The following SLC24A4 variants were observed in gnomAD, a reference collection of about 807,000 sequenced individuals.
SLC24A4 encodes solute carrier family 24 member 4.
A neutral mutation model predicts 79.0 loss-of-function variants in SLC24A4; 53 were observed. The observed-to-expected ratio is 0.67, with a 90% CI of 0.54 to 0.84. SLC24A4 has a LOEUF of 0.84. Among genes scored for constraint, SLC24A4 ranks in the 40% least tolerant of loss-of-function variants. The pLI, the probability that SLC24A4 is intolerant of heterozygous loss-of-function variation, is 0.00. For missense variants in SLC24A4, 731 were observed against 822.0 expected (o/e 0.89, Z 1.35); for synonymous variants, 323 against 323.8 (o/e 1.00, Z 0.03).
chr14:92,431,448 A>G (rs943221491), intron 2 of SLC24A4, among the ~76,000 whole-genome samples: 6 of 152,176 alleles, frequency 3.9e-5, no homozygotes, highest in Non-Finnish European at 8.8e-5. Flanking sequence ...TGCAGTTCCA[A>G]GTTGTTGCTG....
chr14:92,430,675 G>A (rs1891816881), intron 2 of SLC24A4, among the ~76,000 whole-genome samples: 2 of 152,184 alleles, frequency 1.3e-5, no homozygotes, highest in Non-Finnish European at 2.9e-5. Flanking sequence ...AAGGTCCAAA[G>A]GGGAGTGGGG....
intron 12 of SLC24A4, among the ~76,000 whole-genome samples, chr14:92,461,495 C>G (rs889772762): frequency 1.3e-5 from 2 of 152,210 alleles, no homozygotes; most frequent in East Asian, 1.9e-4. Context: ...TTCTGTGTCC[C>G]TCTTCCTGAC....
At position 92,495,536 on chromosome 14, in the gene SLC24A4, C is replaced by G. The variant is rs1895894382; in HGVS notation, c.*1908C>G. On this transcript the variant is annotated 3_prime_UTR_variant, in exon 17 of 17. Coordinates refer to ENST00000532405, the MANE Select transcript of SLC24A4 (RefSeq NM_153646.4). ...AGGGATTCCAGAGCCCTCGGGACCA[C>G]TCTGTCACCTTAATAGCCAAGTTCT... 1 of 152,194 alleles carries G rather than the reference C, an allele frequency of 6.6e-6. No homozygotes were observed. The highest frequency in any genetic ancestry group is 1.5e-5 in the Non-Finnish European group (1 of 68,034). The allele number at this position is 152,194 out of a possible 1,614,324, so 9.4% of individuals were successfully genotyped here.
chr14:92,386,713 T>C (rs1374587717), intron 2 of SLC24A4, among the ~76,000 whole-genome samples: 1 of 152,208 alleles, frequency 6.6e-6, no homozygotes, highest in Non-Finnish European at 1.5e-5. Flanking sequence ...TAAAGGGGTT[T>C]GTTTGACGTT....
At chr14:92,482,965 A>C in intron 13 of SLC24A4, 119 bp downstream of exon 13, 1 of 945,660 alleles carries the variant, frequency 1.1e-6, no homozygotes, top group East Asian at 2.7e-5. Flanking sequence ...GGCCTCACTG[A>C]CCACAGCGTA....
At chr14:92,326,883 G>C (rs1885173242) in intron 2 of SLC24A4, among the ~76,000 whole-genome samples, 1 of 152,130 alleles carries the variant, frequency 6.6e-6, no homozygotes, top group African/African-American at 2.4e-5. Context: ...CAGAATAGTT[G>C]CCTGTTGTAG....
rs1390309860 is a variant in SLC24A4, at chr14:92,491,667, C to T, written c.1540C>T (p.Leu514Phe). 1.2e-6 allele frequency: 2 copies of T among 1,608,204 alleles called. No homozygotes were observed. Among genetic ancestry groups the T allele is most frequent in the African/African-American group, 1.3e-5 (1 of 74,778 alleles). Residue 514 changes from leucine to phenylalanine, a missense_variant and splice_region_variant, in exon 15 of 17, where the codon CTT (leucine) becomes TTT (phenylalanine). Physicochemically the swap from Leu to Phe is conservative, Grantham distance 22. Transcript: ENST00000532405. ...MASLIVARQGLGDMAVSNTIG... is the reference protein window; with the variant it reads ...MASLIVARQGFGDMAVSNTIG... ...AAATGTGTTGTTGTCCCCTGCAGGCCTTGGGGACATGGCAGTCTCCAACAC... is the reference window on the plus strand; with the variant it reads ...AAATGTGTTGTTGTCCCCTGCAGGCTTTGGGGACATGGCAGTCTCCAACAC...
chr14:92,449,242 C>G, intron 10 of SLC24A4, 26 bp downstream of exon 10: 2 of 1,609,412 alleles, frequency 1.2e-6, no homozygotes, highest in Non-Finnish European at 1.7e-6. Context: ...CAGGAGTGGG[C>G]AGAAATGTGT....
chr14:92,366,065 C>A (rs1046355678), intron 2 of SLC24A4, among the ~76,000 whole-genome samples: 1 of 152,186 alleles, frequency 6.6e-6, no homozygotes, highest in Non-Finnish European at 1.5e-5. Flanking sequence ...GGCATAGGCA[C>A]CATTATATTT....
rs1895897673 is a variant in SLC24A4 at position 92,495,661 on chromosome 14, T to C, written c.*2033T>C. 6.6e-6 allele frequency: 1 copy of C among 152,198 alleles called. No individual in the cohort carries two copies. The highest frequency in any genetic ancestry group is 1.5e-5 in the Non-Finnish European group (1 of 68,046). 9.4% of individuals were successfully genotyped at this position (152,198 alleles called of 1,614,324 possible). On this transcript the variant is annotated 3_prime_UTR_variant, in exon 17 of 17. Transcript: ENST00000532405. ...TCTGTGATGTATGTAGGGATTATTC[T>C]CCCCACTTAACAGAAAGTAGTGTCT...
Position 92,498,043 on chromosome 14 carries a change from T to G in SLC24A4, c.*4415T>G, listed in dbSNP as rs1895991157. The G allele has an allele frequency of 1.3e-5, 2 of 152,254 alleles. No individual in the cohort carries two copies. Among genetic ancestry groups the G allele is most frequent in the African/African-American group, 4.8e-5 (2 of 41,454 alleles). The allele number at this position is 152,254 out of a possible 1,614,324, so 9.4% of individuals were successfully genotyped here. A position where few individuals can be genotyped will look rare whatever the true frequency, so the allele number is the denominator to read the frequency against. On this transcript the variant is annotated 3_prime_UTR_variant, in exon 17 of 17. Transcript: ENST00000532405. ...GTACGTGGGGCACGTGAGGTGGTCCTCCTTTCAGCACACCGTGCCCATAGA... is the reference window on the plus strand; with the variant it reads ...GTACGTGGGGCACGTGAGGTGGTCCGCCTTTCAGCACACCGTGCCCATAGA...
intron 8 of SLC24A4, among the ~76,000 whole-genome samples, chr14:92,446,686 C>A (rs1027902113): frequency 1.3e-5 from 2 of 152,184 alleles, no homozygotes; most frequent in Non-Finnish European, 2.9e-5. Context: ...CAACTGTAGC[C>A]CATGCTGGAC....
intron 7 of SLC24A4, among the ~76,000 whole-genome samples, 161 bp downstream of exon 7, chr14:92,443,635 C>T (rs72631612): frequency 0.16 from 24,669 of 152,146 alleles, 2,276 homozygotes; most frequent in East Asian, 0.25. Flanking sequence ...ACCAGCGCCC[C>T]GACCCCCAGC....
At chr14:92,372,946 T>C (rs1273792294) in intron 2 of SLC24A4, among the ~76,000 whole-genome samples, 4 of 147,464 alleles carry the variant, frequency 2.7e-5, no homozygotes, top group Non-Finnish European at 3.0e-5. Flanking sequence ...TTTTTCTCTC[T>C]CTCTCTCTCT....
intron 2 of SLC24A4, among the ~76,000 whole-genome samples, chr14:92,355,712 A>T (rs1439124754): frequency 6.6e-6 from 1 of 152,176 alleles, no homozygotes; most frequent in East Asian, 1.9e-4. Context: ...AGACCCTGTT[A>T]TCATACCTTG....
intron 2 of SLC24A4, among the ~76,000 whole-genome samples, chr14:92,362,666 A>C (rs1246398546): frequency 6.6e-6 from 1 of 151,920 alleles, no homozygotes; most frequent in Non-Finnish European, 1.5e-5. Flanking sequence ...TCTGAAGTCC[A>C]CTCACCCCGT....
intron 14 of SLC24A4, among the ~76,000 whole-genome samples, chr14:92,491,076 G>A (rs1413090255): frequency 1.3e-5 from 2 of 152,152 alleles, no homozygotes; most frequent in Non-Finnish European, 2.9e-5. Flanking sequence ...CCCCAAGATC[G>A]TTCTGGCATG....
At chr14:92,342,928 G>A (rs1004760705) in intron 2 of SLC24A4, among the ~76,000 whole-genome samples, 31 of 152,234 alleles carry the variant, frequency 2.0e-4, no homozygotes, top group African/African-American at 7.5e-4. Flanking sequence ...GTGTTTTCCA[G>A]TCTGGATCTG....
chr14:92,433,540 C>T (rs747763157), intron 2 of SLC24A4, among the ~76,000 whole-genome samples: 21 of 152,176 alleles, frequency 1.4e-4, no homozygotes, highest in Admixed American at 1.3e-4. Flanking sequence ...AGGGCTGTAC[C>T]ATTTTACATT....
Sources: allele counts gnomAD v4.1 joint callset (sites outside exome capture counted in the v4.1 genomes callset), GRCh38; gene constraint gnomAD v4.1.1; transcripts MANE v1.5; gene names NCBI Gene and HGNC (gene_info 2026-07-23, HGNC 2026-07-21).